The following MSI2 variants were observed in gnomAD, a reference collection of about 807,000 sequenced individuals.
MSI2 encodes musashi RNA binding protein 2, also known as RNA-binding protein Musashi homolog 2.
MSI2 carries 17 observed loss-of-function variants against 45.6 expected under a neutral mutation model. The ratio of observed to expected loss-of-function variants is 0.37; its 90% CI spans 0.26 to 0.56. MSI2 has a LOEUF of 0.56. MSI2 is among the 20% of genes least tolerant of loss of function. The probability of loss-of-function intolerance (pLI) is 0.77; values close to 1 mark genes in which losing one functional copy is unlikely to be tolerated. For missense variants in MSI2, 293 were observed against 444.2 expected, an observed-to-expected ratio of 0.66 and a Z score of 3.06; for synonymous variants, 156 against 158.2, an observed-to-expected ratio of 0.99 and a Z score of 0.11.
chr17:57,625,330 G>T (rs1291445039), intron 9 of MSI2, among the ~76,000 whole-genome samples: 1 of 152,228 alleles, frequency 6.6e-6, no homozygotes, highest in Non-Finnish European at 1.5e-5. Context: ...CTAGGCAGAG[G>T]CTACAACACC....
intron 7 of MSI2, among the ~76,000 whole-genome samples, chr17:57,591,729 CA>C (rs60682470): frequency 0.12 from 8,580 of 69,422 alleles, 322 homozygotes; most frequent in East Asian, 0.28. Context: ...AACCCTGTCT[CA>C]AAAAAAAAAA....
chr17:57,515,872 A>C (rs974441389), intron 6 of MSI2, among the ~76,000 whole-genome samples: 1 of 152,210 alleles, frequency 6.6e-6, no homozygotes, highest in African/African-American at 2.4e-5. Context: ...TCTTGAAATC[A>C]TGAGCCCCCT....
chr17:57,370,095 C>T (rs9905136), intron 5 of MSI2, among the ~76,000 whole-genome samples: 12,114 of 152,204 alleles, frequency 0.08, 678 homozygotes, highest in Admixed American at 0.16. Context: ...AAAATTTGCC[C>T]AGCCCATGAG....
chr17:57,488,572 C>T (rs1416603442), intron 6 of MSI2, among the ~76,000 whole-genome samples: 1 of 152,098 alleles, frequency 6.6e-6, no homozygotes, highest in African/African-American at 2.4e-5. Context: ...CCTGTAATCC[C>T]AGCACTTTGG....
At chr17:57,688,112 C>T (rs1282561738), downstream of MSI2, among the ~76,000 whole-genome samples, 9 of 152,026 alleles carry the variant, frequency 5.9e-5, no homozygotes, top group African/African-American at 1.7e-4. Context: ...TTGTGAAACA[C>T]AAAACCTGTT....
intron 6 of MSI2, among the ~76,000 whole-genome samples, chr17:57,480,182 C>T (rs1405671748): frequency 2.0e-5 from 3 of 152,116 alleles, no homozygotes; most frequent in Admixed American, 6.6e-5. Context: ...GGGCTGCTAT[C>T]GAATTCCTGA....
At chr17:57,310,573 A>G (rs554576670) in intron 5 of MSI2, among the ~76,000 whole-genome samples, 476 of 152,196 alleles carry the variant, frequency 3.1e-3, no homozygotes, top group Non-Finnish European at 5.1e-3. Context: ...ACTTCAAGTG[A>G]TCCACCCGCC....
chr17:57,363,161 T>A (rs1424571939), intron 5 of MSI2, among the ~76,000 whole-genome samples: 2 of 152,170 alleles, frequency 1.3e-5, no homozygotes, highest in Non-Finnish European at 2.9e-5. Flanking sequence ...AGACATATGA[T>A]TAAATAGTAT....
intron 11 of MSI2, among the ~76,000 whole-genome samples, chr17:57,669,450 A>G (rs1912614734): frequency 6.6e-6 from 1 of 152,226 alleles, no homozygotes; most frequent in Non-Finnish European, 1.5e-5. Context: ...GTTCCCTGAG[A>G]GCCCTGAGAG....
At chr17:57,461,277 C>T (rs914925885) in intron 6 of MSI2, among the ~76,000 whole-genome samples, 3 of 152,132 alleles carry the variant, frequency 2.0e-5, no homozygotes, top group Non-Finnish European at 2.9e-5. Flanking sequence ...GAGGGCCACA[C>T]GGTCATCCTA....
intron 5 of MSI2, among the ~76,000 whole-genome samples, chr17:57,321,283 G>A (rs2332903): frequency 0.064 from 9,746 of 151,826 alleles, 1,071 homozygotes; most frequent in African/African-American, 0.22. Context: ...TCTCTCCGTT[G>A]TTACTGTGCA....
At chr17:57,586,740 T>C (rs2088357905) in intron 7 of MSI2, among the ~76,000 whole-genome samples, 1 of 151,938 alleles carries the variant, frequency 6.6e-6, no homozygotes, top group Admixed American at 6.6e-5. Context: ...TTGAGGGGCA[T>C]GGTGGCTCAT....
At position 57,598,237 on chromosome 17, in the gene MSI2, A is replaced by G. The variant is rs544198374; in HGVS notation, c.537+1287A>G. ...TGTTTCAATTGCAGCTGTAACTTTA[A>G]TATTTTCTTCCTTTTGTCAAAACAT... On this transcript the variant is annotated intron_variant, in intron 8 of 13. Transcript: ENST00000284073. 3.3e-5 allele frequency among the ~76,000 whole-genome samples: 5 copies of G among 152,344 alleles called. No homozygotes were observed. In the East Asian group the frequency reaches 9.6e-4, roughly 29 times the overall value.
chr17:57,398,652 C>T (rs986068440), intron 5 of MSI2, among the ~76,000 whole-genome samples: 3 of 152,186 alleles, frequency 2.0e-5, no homozygotes, highest in Admixed American at 1.3e-4. Flanking sequence ...ATTTATTTAG[C>T]GACTACACAG....
chr17:57,342,513 C>G (rs1915254959), intron 5 of MSI2, among the ~76,000 whole-genome samples: 1 of 152,176 alleles, frequency 6.6e-6, no homozygotes, highest in Non-Finnish European at 1.5e-5. Flanking sequence ...GACTTTTCCT[C>G]TTGTTCAGAG....
rs1046571986 is a variant in MSI2, at chr17:57,673,740, C to T, written c.791-1232C>T. On this transcript the variant is annotated intron_variant, in intron 11 of 13. Transcript: ENST00000284073. The stretch of plus-strand genomic sequence containing the variant: ...GGGGGGCCGAGGCAGTGTCACCTTC[C>T]GCTGCCCCCCGATCTGCAACCCCAC... 9.2e-5 allele frequency among the ~76,000 whole-genome samples: 14 copies of T among 152,084 alleles called. No individual in the cohort carries two copies. In the East Asian group the frequency reaches 9.7e-4, roughly 10 times the overall value.
chr17:57,548,116 G>A (rs1027178296), intron 7 of MSI2, among the ~76,000 whole-genome samples: 4 of 152,204 alleles, frequency 2.6e-5, no homozygotes, highest in African/African-American at 9.6e-5. Context: ...CCTCCTCCCA[G>A]TGTGTGTAGA....
At chr17:57,469,708 G>T (rs955985567) in intron 6 of MSI2, among the ~76,000 whole-genome samples, 2 of 152,226 alleles carry the variant, frequency 1.3e-5, no homozygotes, top group African/African-American at 4.8e-5. Flanking sequence ...AGAAGGGCAG[G>T]AACTGAAAGT....
chr17:57,537,360 A>G (rs898727704), intron 7 of MSI2, among the ~76,000 whole-genome samples: 3 of 152,138 alleles, frequency 2.0e-5, no homozygotes, highest in Non-Finnish European at 4.4e-5. Flanking sequence ...ATGGAGGGCA[A>G]AGGAGGGGGT....
Sources: allele counts gnomAD v4.1 joint callset (sites outside exome capture counted in the v4.1 genomes callset), GRCh38; gene constraint gnomAD v4.1.1; transcripts MANE v1.5; gene names NCBI Gene and HGNC (gene_info 2026-07-23, HGNC 2026-07-21).